Variants in ZNF407 observed in about 807,000 individuals in gnomAD.
The protein encoded by ZNF407 is zinc finger protein 407.
ZNF407 carries 17 observed loss-of-function variants against 131.2 expected under a neutral mutation model. The ratio of observed to expected loss-of-function variants is 0.13; its 90% CI spans 0.09 to 0.19. The LOEUF is 0.19. Among genes scored for constraint, ZNF407 ranks in the 10% least tolerant of loss-of-function variants. The pLI, the probability that ZNF407 is intolerant of heterozygous loss-of-function variation, is 1.00. For synonymous variants in ZNF407, 1,156 were observed against 1,062.0 expected (o/e 1.09, Z -1.72); for missense variants, 2,681 against 2,830.6 (o/e 0.95, Z 1.20).
chr18:74,930,915 A>G (rs936640779), intron 8 of ZNF407, among the ~76,000 whole-genome samples: 2 of 152,218 alleles, frequency 1.3e-5, no homozygotes, highest in Non-Finnish European at 2.9e-5. Context: ...ATAAGCCAAG[A>G]TATATACACT....
At chr18:74,672,999 A>C (rs1000808862) in intron 3 of ZNF407, among the ~76,000 whole-genome samples, 23 of 152,132 alleles carry the variant, frequency 1.5e-4, no homozygotes, top group African/African-American at 5.6e-4. Context: ...GCTATTCTGC[A>C]TGCATTGGAA....
intron 1 of ZNF407, among the ~76,000 whole-genome samples, chr18:74,610,799 C>T (rs186660672): frequency 2.7e-4 from 41 of 152,268 alleles, no homozygotes; most frequent in African/African-American, 8.2e-4. Flanking sequence ...GGTGATCCGC[C>T]CACCTCAGCC....
At chr18:74,841,905 C>T (rs1338934190) in intron 4 of ZNF407, among the ~76,000 whole-genome samples, 3 of 152,142 alleles carry the variant, frequency 2.0e-5, no homozygotes, top group East Asian at 3.9e-4. Flanking sequence ...ACGTTTGTAC[C>T]TTATTACTAA....
intron 3 of ZNF407, among the ~76,000 whole-genome samples, chr18:74,698,808 G>A (rs2144816297): frequency 6.6e-6 from 1 of 152,196 alleles, no homozygotes; most frequent in Non-Finnish European, 1.5e-5. Context: ...GCCGGGGGAG[G>A]TATAAGTTGG....
At chr18:74,856,967 G>A (rs1214809802) in intron 4 of ZNF407, among the ~76,000 whole-genome samples, 6 of 152,214 alleles carry the variant, frequency 3.9e-5, no homozygotes, top group African/African-American at 1.2e-4. Flanking sequence ...CTAAACAACC[G>A]TGGGCTAAAT....
At chr18:75,042,865 C>T (rs892594471) in intron 8 of ZNF407, among the ~76,000 whole-genome samples, 2 of 152,190 alleles carry the variant, frequency 1.3e-5, no homozygotes, top group Admixed American at 1.3e-4. Context: ...CCCATTGCTG[C>T]ACATCCACTG....
chr18:74,873,534 A>G (rs1197212646), intron 4 of ZNF407, among the ~76,000 whole-genome samples: 2 of 152,130 alleles, frequency 1.3e-5, no homozygotes, highest in Non-Finnish European at 2.9e-5. Flanking sequence ...GAATACTAGA[A>G]AAAGTGCTTA....
intron 3 of ZNF407, among the ~76,000 whole-genome samples, chr18:74,763,979 C>G (rs1969169805): frequency 6.6e-6 from 1 of 151,916 alleles, no homozygotes; most frequent in Admixed American, 6.6e-5. Flanking sequence ...TCCCAAAGTG[C>G]TGGGATTACA....
At chr18:74,768,924 T>C (rs191419407) in intron 3 of ZNF407, among the ~76,000 whole-genome samples, 1 of 152,310 alleles carries the variant, frequency 6.6e-6, no homozygotes, top group East Asian at 1.9e-4. Flanking sequence ...TGTCAGCCAG[T>C]GCAATGCTAC....
intron 4 of ZNF407, among the ~76,000 whole-genome samples, chr18:74,876,107 A>G (rs1338473137): frequency 9.9e-5 from 15 of 152,208 alleles, no homozygotes; most frequent in Admixed American, 5.2e-4. Context: ...TAAAGACTCT[A>G]TGTGAAAGTA....
intron 3 of ZNF407, among the ~76,000 whole-genome samples, chr18:74,660,723 C>T (rs1985677781): frequency 6.6e-6 from 1 of 152,046 alleles, no homozygotes; most frequent in South Asian, 2.1e-4. Flanking sequence ...CAAGCAATGA[C>T]TCCTAAAATG....
Position 74,633,194 on chromosome 18 carries a change from G to A in ZNF407, c.2175G>A (p.Lys725=), listed in dbSNP as rs747702249. Residue 725 remains lysine (K), a synonymous_variant, in exon 2 of 9, where the codon AAG becomes AAA. Transcript: ENST00000299687. ...RSSTVLTRHI[K]LRHGQDYHFL... ...CTACTGTTCTCACGAGACATATAAA[G>A]CTTCGGCATGGTCAAGACTATCATT... 4.3e-6 allele frequency: 7 copies of A among 1,613,628 alleles called. No homozygotes were observed. Among genetic ancestry groups the A allele is most frequent in the Admixed American group, 1.7e-5 (1 of 59,972 alleles).
intron 4 of ZNF407, among the ~76,000 whole-genome samples, chr18:74,836,258 C>T (rs1469100274): frequency 6.6e-6 from 1 of 152,196 alleles, no homozygotes; most frequent in Non-Finnish European, 1.5e-5. Context: ...TGATCCCTGC[C>T]TCTTATCCAC....
intron 8 of ZNF407, among the ~76,000 whole-genome samples, chr18:74,993,813 G>GA (rs1289310701): frequency 1.6e-4 from 25 of 152,164 alleles, no homozygotes; most frequent in South Asian, 6.2e-4. Flanking sequence ...ATAGGATATG[G>GA]AAAAATACTT....
In ZNF407 at chr18:74,673,303, C is replaced by G. The variant is rs182056226; in HGVS notation, c.4802+32181C>G. Among the ~76,000 whole-genome samples the G allele has an allele frequency of 7.9e-5, 12 of 152,284 alleles. No homozygotes were observed. The East Asian group carries it at 2.3e-3, about 29-fold the overall frequency. ...TCACGATTTTAACACCAGTAGGAAT[C>G]AAGGCGTCAACAGAGTTGGTTTCTT... On this transcript the variant is annotated intron_variant, in intron 3 of 8. Coordinates refer to ENST00000299687, the MANE Select transcript of ZNF407 (RefSeq NM_017757.3).
At chr18:74,924,680 C>T (rs17055940) in intron 8 of ZNF407, among the ~76,000 whole-genome samples, 2,429 of 152,218 alleles carry the variant, frequency 0.016, 70 homozygotes, top group South Asian at 0.054. Context: ...TTCACTTCAG[C>T]AGGGATAGCT....
intron 3 of ZNF407, among the ~76,000 whole-genome samples, chr18:74,744,584 AAAC>A (rs1968624228): frequency 6.6e-6 from 1 of 152,156 alleles, no homozygotes. Context: ...GTAGGGGAGA[AAAC>A]AAGTTTGTGG....
Position 74,631,522 on chromosome 18 carries a change from T to TC in ZNF407, c.509dup (p.Lys171GlufsTer4), listed in dbSNP as rs773084494. On this transcript the variant is annotated frameshift_variant, in exon 2 of 9. Transcript: ENST00000299687. LOFTEE classifies it high-confidence loss of function. ...CTTGATCTGGAAAGAGAATCTCCTT[T>TC]CCCCCCGAAAGAAATTAGTGTTAGT... 6.2e-7 allele frequency: 1 copy of TC among 1,613,770 alleles called. No individual in the cohort carries two copies. The highest frequency in any genetic ancestry group is 8.5e-7 in the Non-Finnish European group (1 of 1,179,884).
At chr18:74,724,330 T>G (rs1968107392) in intron 3 of ZNF407, among the ~76,000 whole-genome samples, 1 of 152,202 alleles carries the variant, frequency 6.6e-6, no homozygotes, top group Non-Finnish European at 1.5e-5. Context: ...TATCATTTCT[T>G]TGTGGTGACA....
Sources: allele counts gnomAD v4.1 joint callset (sites outside exome capture counted in the v4.1 genomes callset), GRCh38; gene constraint gnomAD v4.1.1; transcripts MANE v1.5; gene names NCBI Gene and HGNC (gene_info 2026-07-23, HGNC 2026-07-21).